Variants in HIVEP1 observed in about 807,000 individuals in gnomAD.
HIVEP1 encodes zinc finger protein 40.
A neutral mutation model predicts 180.0 loss-of-function variants in HIVEP1; 36 were observed. The ratio of observed to expected loss-of-function variants is 0.20; its 90% CI spans 0.15 to 0.26. The LOEUF (loss-of-function observed/expected upper bound fraction) is 0.26. HIVEP1 is among the 10% of genes least tolerant of loss of function. The pLI is 1.00. For missense variants in HIVEP1, 3,143 were observed against 3,268.7 expected (o/e 0.96, Z 0.94); for synonymous variants, 1,239 against 1,239.0 (o/e 1.00, Z 0.00).
At chr6:12,113,054 A>G (rs115218528) in intron 3 of HIVEP1, among the ~76,000 whole-genome samples, 306 of 151,836 alleles carry the variant, frequency 2.0e-3, no homozygotes, top group African/African-American at 6.9e-3. Flanking sequence ...CTCTGCTTAC[A>G]CGCTTGGGGC....
intron 1 of HIVEP1, 85 bp downstream of exon 1, chr6:12,012,651 CG>C (rs1418644873): frequency 8.9e-6 from 1 of 112,104 alleles, no homozygotes; most frequent in African/African-American, 4.0e-5. Context: ...CACATCCCTT[CG>C]GCGGGCGGGG....
At chr6:12,017,476 T>C (rs369461458) in intron 2 of HIVEP1, among the ~76,000 whole-genome samples, 1 of 152,250 alleles carries the variant, frequency 6.6e-6, no homozygotes, top group East Asian at 1.9e-4. Flanking sequence ...AGTAGCAAGA[T>C]TTATTGCAAA....
intron 2 of HIVEP1, among the ~76,000 whole-genome samples, chr6:12,076,161 A>G (rs2113800637): frequency 6.6e-6 from 1 of 152,294 alleles, no homozygotes; most frequent in South Asian, 2.1e-4. Flanking sequence ...AATATGCTTC[A>G]TTAAAGAATA....
At chr6:12,179,796 C>T in the HIVEP1 span, among the ~76,000 whole-genome samples, 1 of 152,034 alleles carries the variant, frequency 6.6e-6, no homozygotes, top group Admixed American at 6.6e-5. Context: ...TGATGTTAGG[C>T]ATTTTTCCCA....
At chr6:12,198,051 A>G in the HIVEP1 span, among the ~76,000 whole-genome samples, 1 of 152,348 alleles carries the variant, frequency 6.6e-6, no homozygotes, top group East Asian at 1.9e-4. Context: ...GGAGAATGCT[A>G]TTGGCCTCAA....
upstream of HIVEP1, chr6:12,007,847 A>T (rs1767091321): frequency 6.6e-6 from 1 of 151,666 alleles, no homozygotes; most frequent in Admixed American, 6.6e-5. Flanking sequence ...GTATAACTTT[A>T]ATTGGCTCTG....
At chr6:12,071,343 C>G (rs979172378) in intron 2 of HIVEP1, among the ~76,000 whole-genome samples, 20 of 152,194 alleles carry the variant, frequency 1.3e-4, no homozygotes, top group African/African-American at 4.8e-4. Flanking sequence ...CCAGAGCCCT[C>G]TGTGCCTTGT....
At chr6:12,137,848 CAT>C (rs1267497327) in intron 7 of HIVEP1, among the ~76,000 whole-genome samples, 10 of 152,154 alleles carry the variant, frequency 6.6e-5, no homozygotes, top group Admixed American at 1.3e-4. Context: ...GCTTTTAAAA[CAT>C]ATTTGGAGAT....
chr6:12,120,602 T>C lies in HIVEP1; in HGVS notation c.807T>C (p.Ala269=). ...CATACACAGTCCATATGTCTGCTGC[T>C]CAGAAGAATGAGCAAGGGGCAATGC... ...CTSYTVHMSA[A]QKNEQGAMQS... Residue 269 remains alanine (A), a synonymous_variant, in exon 4 of 9, where the codon GCT becomes GCC. Coordinates refer to ENST00000379388, the MANE Select transcript of HIVEP1 (RefSeq NM_002114.4). 6.2e-7 allele frequency: 1 copy of C among 1,614,182 alleles called. No individual in the cohort carries two copies. Among genetic ancestry groups the C allele is most frequent in the Middle Eastern group, 1.7e-4 (1 of 6,060 alleles).
chr6:12,114,432 C>G (rs1471458420), intron 3 of HIVEP1, among the ~76,000 whole-genome samples: 1 of 152,046 alleles, frequency 6.6e-6, no homozygotes, highest in Admixed American at 6.6e-5. Context: ...TTCTGATTTC[C>G]CCTTGTTTCT....
chr6:12,178,030 T>C, the HIVEP1 span, among the ~76,000 whole-genome samples: 1 of 152,082 alleles, frequency 6.6e-6, no homozygotes, highest in Non-Finnish European at 1.5e-5. Flanking sequence ...CTAGGGAAAA[T>C]ATATAGTGCT....
In HIVEP1 at chr6:12,028,416, C is replaced by T. The variant is rs187019409; in HGVS notation, c.40+12748C>T. On this transcript the variant is annotated intron_variant, in intron 2 of 8. Coordinates refer to ENST00000379388, the MANE Select transcript of HIVEP1 (RefSeq NM_002114.4). Reference sequence around the variant, plus strand: ...ATGAGTGAGCATATAAGGAAATACTCAGTTAACATATGTAAGGAGATGTAT... The same window carrying T: ...ATGAGTGAGCATATAAGGAAATACTTAGTTAACATATGTAAGGAGATGTAT... Among the ~76,000 whole-genome samples the T allele has an allele frequency of 5.6e-3, 850 of 152,290 alleles. 5 individuals are homozygous for T. The highest frequency in any genetic ancestry group is 6.9e-3 in the Non-Finnish European group (470 of 68,022).
At chr6:12,169,387 CATT>C (rs1001610202), downstream of HIVEP1, among the ~76,000 whole-genome samples, 4 of 152,170 alleles carry the variant, frequency 2.6e-5, no homozygotes, top group Non-Finnish European at 4.4e-5. Context: ...GCATAAGAGA[CATT>C]ATCTGCTCCT....
chr6:12,161,463 A>G lies in HIVEP1; in HGVS notation c.6512A>G (p.Glu2171Gly), dbSNP rs1760391393. The G allele has an allele frequency of 6.2e-7, 1 of 1,613,452 alleles. No homozygotes were observed. Among genetic ancestry groups the G allele is most frequent in the African/African-American group, 1.3e-5 (1 of 75,028 alleles). ...ESDEKQRFSY[E>G]RSGYDLEESD... is the part of the protein sequence containing the mutation. ...GATGAAAAACAGAGATTCAGTTATGAGCGATCTGGATATGATCTTGAAGAA... is the reference window on the plus strand; with the variant it reads ...GATGAAAAACAGAGATTCAGTTATGGGCGATCTGGATATGATCTTGAAGAA... The change falls in exon 8 of 9, where the codon GAG (glutamate) becomes GGG (glycine). Residue 2171 changes from glutamate to glycine, a missense_variant. Transcript: ENST00000379388.
chr6:12,162,199 G>T (rs1361848128), intron 8 of HIVEP1, among the ~76,000 whole-genome samples: 1 of 135,302 alleles, frequency 7.4e-6, no homozygotes, highest in African/African-American at 2.8e-5. Flanking sequence ...ATTTTTATTT[G>T]CTTTTTGAAA....
At chr6:12,154,829 A>T (rs545849352) in intron 7 of HIVEP1, among the ~76,000 whole-genome samples, 5 of 152,314 alleles carry the variant, frequency 3.3e-5, no homozygotes, top group Middle Eastern at 3.4e-3. Flanking sequence ...TAAATTTTTT[A>T]AAAATTGTGT....
Position 12,128,909 on chromosome 6 carries a change from A to G in HIVEP1, c.6076-850A>G, listed in dbSNP as rs1213032467. Among the ~76,000 whole-genome samples the G allele has an allele frequency of 2.6e-5, 4 of 152,180 alleles. No individual in the cohort carries two copies. In the East Asian group the frequency reaches 5.8e-4, roughly 22 times the overall value. ...CAGTATTCAGTAAACTTTTGAGAAG[A>G]TAGAAAGAATTATGGTTTTAGCTGG... On this transcript the variant is annotated intron_variant, in intron 4 of 8. Transcript: ENST00000379388.
intron 6 of HIVEP1, among the ~76,000 whole-genome samples, chr6:12,134,330 T>A (rs1349829572): frequency 6.6e-6 from 1 of 152,172 alleles, no homozygotes; most frequent in African/African-American, 2.4e-5. Context: ...ACCTTAGCCA[T>A]CATCTGGTCT....
rs1773079526 is a variant in HIVEP1 at position 12,085,754 on chromosome 6, G to A, written c.41-3430G>A. Among the ~76,000 whole-genome samples the A allele has an allele frequency of 2.0e-5, 3 of 152,088 alleles. No homozygotes were observed. The South Asian group carries it at 6.2e-4, about 31-fold the overall frequency. On this transcript the variant is annotated intron_variant, in intron 2 of 8. Transcript: ENST00000379388. The stretch of plus-strand genomic sequence containing the variant: ...GGAGACCCTCCCCACACGCACTTTA[G>A]CATAGACTGAAGAATGGTCAGAGAG...
Sources: gnomAD v4.1 joint callset for allele counts (sites outside exome capture counted in the v4.1 genomes callset) on GRCh38, gnomAD v4.1.1 for gene constraint, MANE v1.5 for transcripts, NCBI Gene and HGNC (gene_info 2026-07-23, HGNC 2026-07-21) for gene names.